The following SNTG1 variants were observed in gnomAD, a reference collection of about 807,000 sequenced individuals.
The protein encoded by SNTG1 is gamma-1-syntrophin.
Under a neutral mutation model 74.7 loss-of-function variants are expected in SNTG1, and 39 were observed. That is an observed-to-expected ratio of 0.52 (90% confidence interval 0.40 to 0.68). SNTG1 has a LOEUF of 0.68. Ranked by LOEUF, SNTG1 falls within the 30% of genes least tolerant of loss-of-function variation. SNTG1 has a pLI of 0.00. For synonymous variants in SNTG1, 254 were observed against 217.1 expected (o/e 1.17, Z -1.49); for missense variants, 685 against 609.5 (o/e 1.12, Z -1.30).
chr8:50,357,295 G>A (rs2091846118), intron 2 of SNTG1, among the ~76,000 whole-genome samples: 1 of 152,164 alleles, frequency 6.6e-6, no homozygotes. Context: ...TCCCACAGTG[G>A]GGACTATCCT....
intron 13 of SNTG1, among the ~76,000 whole-genome samples, chr8:50,607,240 A>T (rs559636555): frequency 1.3e-4 from 20 of 151,986 alleles, no homozygotes; most frequent in African/African-American, 4.8e-4. Flanking sequence ...TGAATGAGAA[A>T]GCATTTACGC....
At chr8:50,021,954 AT>A (rs1256630446) in intron 1 of SNTG1, among the ~76,000 whole-genome samples, 47 of 145,976 alleles carry the variant, frequency 3.2e-4, no homozygotes, top group South Asian at 6.4e-4. Flanking sequence ...AAAAATAAAA[AT>A]AAAAATAAAA....
intron 1 of SNTG1, among the ~76,000 whole-genome samples, chr8:50,131,561 C>T (rs1048264130): frequency 6.6e-6 from 1 of 152,190 alleles, no homozygotes; most frequent in East Asian, 1.9e-4. Flanking sequence ...CACACACAGA[C>T]ATTTTCTTTG....
At chr8:50,396,108 A>G (rs2092725707) in intron 3 of SNTG1, among the ~76,000 whole-genome samples, 1 of 152,232 alleles carries the variant, frequency 6.6e-6, no homozygotes, top group Admixed American at 6.5e-5. Flanking sequence ...CTATTAAGAT[A>G]CAGAAGATTT....
intron 9 of SNTG1, among the ~76,000 whole-genome samples, chr8:50,519,220 T>A (rs2094159011): frequency 6.6e-6 from 1 of 152,146 alleles, no homozygotes; most frequent in Non-Finnish European, 1.5e-5. Context: ...ATTATCTCAA[T>A]AGATGCAGAA....
intron 13 of SNTG1, among the ~76,000 whole-genome samples, chr8:50,604,617 C>T (rs2094799273): frequency 6.6e-6 from 1 of 152,012 alleles, no homozygotes; most frequent in Non-Finnish European, 1.5e-5. Flanking sequence ...GTGAATGCTG[C>T]CAGGCCTTGG....
chr8:50,609,048 G>A (rs1387058708), intron 13 of SNTG1, among the ~76,000 whole-genome samples: 1 of 151,832 alleles, frequency 6.6e-6, no homozygotes, highest in Non-Finnish European at 1.5e-5. Context: ...CAACAGTCCA[G>A]GATTATTCAT....
At position 50,255,113 on chromosome 8, in the gene SNTG1, C is replaced by A. The variant is rs1413032529; in HGVS notation, c.-28+82478C>A. 1.3e-5 allele frequency among the ~76,000 whole-genome samples: 2 copies of A among 151,412 alleles called. 1 individual carries two copies. Among genetic ancestry groups the A allele is most frequent in the Non-Finnish European group, 2.9e-5 (2 of 67,902 alleles). ...GCCCTTTTGGTCCTTTTTAATTGAC[C>A]TTTTTAAATATGAGCTCATCTTAGA... On this transcript the variant is annotated intron_variant, in intron 2 of 18. Coordinates refer to ENST00000642720, the MANE Select transcript of SNTG1 (RefSeq NM_018967.5).
intron 2 of SNTG1, among the ~76,000 whole-genome samples, chr8:50,376,756 T>TATATATATATATAGAGAGAG (rs1381048539): frequency 6.1e-4 from 55 of 89,946 alleles, no homozygotes; most frequent in East Asian, 9.0e-4. Flanking sequence ...TATATATATA[T>TATATATATATATAGAGAGAG]AGAGAGAGAG....
At chr8:50,006,667 G>A (rs758193374) in intron 1 of SNTG1, among the ~76,000 whole-genome samples, 15 of 152,104 alleles carry the variant, frequency 9.9e-5, no homozygotes, top group Non-Finnish European at 1.8e-4. Context: ...TATTTATTCT[G>A]AATGGTTTAT....
chr8:50,710,860 G>A (rs2095459639), intron 17 of SNTG1, among the ~76,000 whole-genome samples: 1 of 152,324 alleles, frequency 6.6e-6, no homozygotes, highest in East Asian at 1.9e-4. Flanking sequence ...GATACTCAAG[G>A]AAAGCACCAG....
intron 1 of SNTG1, among the ~76,000 whole-genome samples, chr8:50,037,712 G>A (rs766525299): frequency 3.9e-5 from 6 of 152,166 alleles, no homozygotes; most frequent in Non-Finnish European, 5.9e-5. Flanking sequence ...ATCTTGTCAA[G>A]TTACAAACAT....
In SNTG1 at chr8:50,513,897, C is replaced by T. The variant is rs184523467; in HGVS notation, c.466+11017C>T. Among the ~76,000 whole-genome samples the T allele has an allele frequency of 3.0e-3, 460 of 152,280 alleles. 3 individuals carry two copies. The highest frequency in any genetic ancestry group is 0.01 in the African/African-American group (422 of 41,566). On this transcript the variant is annotated intron_variant, in intron 9 of 18. Coordinates refer to ENST00000642720, the MANE Select transcript of SNTG1 (RefSeq NM_018967.5). ...CAATGCCTCGCCCTGCTTCAGCTCA[C>T]GCTCAGTGCACTGCACCCACTCTCC...
chr8:50,424,741 G>A (rs2093140232), intron 4 of SNTG1, among the ~76,000 whole-genome samples: 1 of 152,086 alleles, frequency 6.6e-6, no homozygotes, highest in Admixed American at 6.6e-5. Flanking sequence ...GTTAAGAGGA[G>A]TTTTACTGTT....
chr8:50,390,953 G>A (rs1027076726), intron 2 of SNTG1, among the ~76,000 whole-genome samples: 6 of 151,478 alleles, frequency 4.0e-5, no homozygotes, highest in East Asian at 1.9e-4. Context: ...TTGCTTATCA[G>A]CTTCAGGAGA....
chr8:50,482,684 G>C (rs2093750962), intron 8 of SNTG1, among the ~76,000 whole-genome samples: 2 of 152,142 alleles, frequency 1.3e-5, no homozygotes, highest in South Asian at 4.1e-4. Context: ...CCATTGCCGA[G>C]GACACATAGA....
At position 50,123,301 on chromosome 8, in the gene SNTG1, A is replaced by T. The variant is rs1438803204; in HGVS notation, c.-102-49260A>T. Among the ~76,000 whole-genome samples the T allele has an allele frequency of 1.4e-5, 2 of 142,964 alleles. 1 individual carries two copies. 93.8% of individuals were successfully genotyped at this position (142,964 alleles called of 152,430 possible). ...AAAGCATAGATATTTAAACTGCCAG[A>T]CAGTTAATTTGAGAAAATGAATGCT... is the stretch of plus-strand genomic sequence containing the variant. On this transcript the variant is annotated intron_variant, in intron 1 of 18. Coordinates refer to ENST00000642720, the MANE Select transcript of SNTG1 (RefSeq NM_018967.5).
chr8:50,473,462 A>G (rs945216360), intron 8 of SNTG1, among the ~76,000 whole-genome samples: 4 of 152,152 alleles, frequency 2.6e-5, no homozygotes, highest in East Asian at 3.9e-4. Context: ...CCTGTGCACT[A>G]TTGGTGGAAA....
rs927493849 is a variant in SNTG1 at position 50,174,767 on chromosome 8, T to G, written c.-28+2132T>G. Among the ~76,000 whole-genome samples, 23 of 152,092 alleles carry G rather than the reference T, an allele frequency of 1.5e-4. 2 individuals are homozygous for G. The highest frequency in any genetic ancestry group is 1.5e-5 in the Non-Finnish European group (1 of 68,016). ...GGGTACATGTGCACAACGTGCAGGT[T>G]TGTTACATATGTATACATGTGCCAT... On this transcript the variant is annotated intron_variant, in intron 2 of 18. Coordinates refer to ENST00000642720, the MANE Select transcript of SNTG1 (RefSeq NM_018967.5).
Sources: allele counts gnomAD v4.1 joint callset (sites outside exome capture counted in the v4.1 genomes callset), GRCh38; gene constraint gnomAD v4.1.1; transcripts MANE v1.5; gene names NCBI Gene and HGNC (gene_info 2026-07-23, HGNC 2026-07-21).